TRAPPC9: variants seen among roughly 807,000 people sequenced by gnomAD.
The protein encoded by TRAPPC9 is IKK2 binding protein.
A neutral mutation model predicts 124.0 loss-of-function variants in TRAPPC9; 83 were observed. That is an observed-to-expected ratio of 0.67 (90% CI 0.56 to 0.80). The LOEUF (loss-of-function observed/expected upper bound fraction) is 0.80. Among genes scored for constraint, TRAPPC9 ranks in the 30% least tolerant of loss-of-function variants. The probability of loss-of-function intolerance (pLI) is 0.00; values close to 1 mark genes in which losing one functional copy is unlikely to be tolerated. For synonymous variants in TRAPPC9, 638 were observed against 617.5 expected, an observed-to-expected ratio of 1.03 and a Z score of -0.49; for missense variants, 1,302 against 1,508.3, an observed-to-expected ratio of 0.86 and a Z score of 2.27.
At chr8:139,863,649 T>A (rs1357366715) in intron 21 of TRAPPC9, among the ~76,000 whole-genome samples, 1 of 152,190 alleles carries the variant, frequency 6.6e-6, no homozygotes, top group Non-Finnish European at 1.5e-5. Context: ...AGGCGTTCCC[T>A]GAAGGGGCCT....
chr8:139,857,693 C>T (rs1035611630), intron 21 of TRAPPC9, among the ~76,000 whole-genome samples: 7 of 152,320 alleles, frequency 4.6e-5, no homozygotes, highest in East Asian at 3.9e-4. Flanking sequence ...CCTGCCTGGG[C>T]GGCCCGCTGC....
chr8:139,864,833 G>A (rs1016783165), intron 21 of TRAPPC9, among the ~76,000 whole-genome samples: 5 of 152,220 alleles, frequency 3.3e-5, no homozygotes, highest in African/African-American at 1.2e-4. Context: ...GGTGTTTAAT[G>A]CCAGCAGTTA....
intron 15 of TRAPPC9, among the ~76,000 whole-genome samples, chr8:140,256,177 C>T (rs2064253365): frequency 6.6e-6 from 1 of 152,216 alleles, no homozygotes; most frequent in Non-Finnish European, 1.5e-5. Context: ...TGGAAACCCG[C>T]TTCAACACAC....
In TRAPPC9 at chr8:140,252,337, T is replaced by C. The variant is rs1339271912; in HGVS notation, c.2431+440A>G. Among the ~76,000 whole-genome samples, 1 of 152,162 alleles carries C rather than the reference T, an allele frequency of 6.6e-6. No homozygotes were observed. The highest frequency in any genetic ancestry group is 2.4e-5 in the African/African-American group (1 of 41,438). On this transcript the variant is annotated intron_variant, in intron 16 of 22. Transcript: ENST00000438773. The surrounding 1 kb of genome is among the most constrained non-coding windows in gnomAD (Gnocchi z 4.2). ...CATCACACCCAGCCAATCTATGAAATCTTATCTCTAATCAGTCCTAATGTT... is the reference window on the plus strand; with the variant it reads ...CATCACACCCAGCCAATCTATGAAACCTTATCTCTAATCAGTCCTAATGTT...
chr8:139,978,649 TG>T (rs1836656160), intron 19 of TRAPPC9, among the ~76,000 whole-genome samples: 1 of 152,098 alleles, frequency 6.6e-6, no homozygotes, highest in South Asian at 2.1e-4. Flanking sequence ...GTGCCTTCTG[TG>T]TATGTGTGTG....
intron 2 of TRAPPC9, among the ~76,000 whole-genome samples, chr8:140,442,270 A>G (rs949039100): frequency 6.6e-6 from 1 of 152,238 alleles, no homozygotes; most frequent in South Asian, 2.1e-4. Flanking sequence ...GAAAGTCATA[A>G]TACAATAAAA....
At position 139,729,675 on chromosome 8, in the gene TRAPPC9, C is replaced by T. The variant is rs926127844; in HGVS notation, c.*1386G>A. On this transcript the variant is annotated 3_prime_UTR_variant, in exon 23 of 23. Transcript: ENST00000438773. Reference sequence around the variant, plus strand: ...CCGGAGGCCACAGGGTGACCTTGCTCCCAGCGAGGGAGGTTTGGGCCTGGG... The same window carrying T: ...CCGGAGGCCACAGGGTGACCTTGCTTCCAGCGAGGGAGGTTTGGGCCTGGG... Among the ~76,000 whole-genome samples, 5 of 152,224 alleles carry T rather than the reference C, an allele frequency of 3.3e-5. No individual in the cohort carries two copies. Among genetic ancestry groups the T allele is most frequent in the Non-Finnish European group, 7.3e-5 (5 of 68,046 alleles).
intron 21 of TRAPPC9, among the ~76,000 whole-genome samples, chr8:139,850,707 G>A (rs952949008): frequency 6.6e-6 from 1 of 152,028 alleles, no homozygotes; most frequent in Non-Finnish European, 1.5e-5. Context: ...ACTCATCAGT[G>A]GTCCACCCAT....
chr8:139,741,620 C>T (rs1818565939), intron 21 of TRAPPC9, among the ~76,000 whole-genome samples: 1 of 152,206 alleles, frequency 6.6e-6, no homozygotes, highest in Admixed American at 6.5e-5. Flanking sequence ...TTTCGAACAT[C>T]TCCATCACCT....
intron 17 of TRAPPC9, among the ~76,000 whole-genome samples, chr8:140,129,525 C>T (rs2061165674): frequency 6.6e-6 from 1 of 152,074 alleles, no homozygotes; most frequent in Non-Finnish European, 1.5e-5. Context: ...ACGGGGTGAG[C>T]CGGCACGGGG....
chr8:140,280,337 A>T (rs1212999768), intron 14 of TRAPPC9, among the ~76,000 whole-genome samples: 1 of 152,254 alleles, frequency 6.6e-6, no homozygotes, highest in Non-Finnish European at 1.5e-5. Flanking sequence ...CAGCATGTGC[A>T]GGTATAAAAT....
chr8:140,240,490 G>T (rs555566677), intron 16 of TRAPPC9, among the ~76,000 whole-genome samples: 1 of 152,286 alleles, frequency 6.6e-6, no homozygotes, highest in Admixed American at 6.5e-5. Context: ...AGACCTTCCT[G>T]CCTCAACTTC....
At chr8:139,903,311 C>T (rs1272381131) in intron 20 of TRAPPC9, among the ~76,000 whole-genome samples, 1 of 152,178 alleles carries the variant, frequency 6.6e-6, no homozygotes, top group East Asian at 1.9e-4. Flanking sequence ...GTTAAAAATG[C>T]TCCTCCAGAC....
At chr8:140,274,935 AT>A (rs781256014) in intron 15 of TRAPPC9, among the ~76,000 whole-genome samples, 29 of 152,190 alleles carry the variant, frequency 1.9e-4, no homozygotes, top group South Asian at 1.9e-3. Flanking sequence ...TCCCTTTTTC[AT>A]TCTCTGTCTG....
intron 21 of TRAPPC9, among the ~76,000 whole-genome samples, chr8:139,877,144 C>G (rs1370330597): frequency 2.6e-5 from 4 of 152,178 alleles, no homozygotes; most frequent in Non-Finnish European, 4.4e-5. Flanking sequence ...CACTGGATGT[C>G]TATGAAAGAC....
At chr8:140,179,989 C>T (rs569364058) in intron 17 of TRAPPC9, among the ~76,000 whole-genome samples, 1,041 of 74,580 alleles carry the variant, frequency 0.014, 15 homozygotes, top group African/African-American at 0.039. Context: ...ATAGTTATAT[C>T]TTGATTTTTT....
At position 139,907,972 on chromosome 8, in the gene TRAPPC9, TAATGA is replaced by T. The variant is rs985309697; in HGVS notation, c.2964+2170_2964+2174del. ...TCATCTGCAAGACGGGAAGACAGGA[TAATGA>T]AACCGCCCCAGGAGTCAGGTTGCCG... is the stretch of plus-strand genomic sequence containing the variant. On this transcript the variant is annotated intron_variant, in intron 20 of 22. Transcript: ENST00000438773. This position sits in a 1 kb window ranked among gnomAD's most constrained non-coding sequence, Gnocchi z 4.7. Among the ~76,000 whole-genome samples, 13 of 152,126 alleles carry T rather than the reference TAATGA, an allele frequency of 8.5e-5. No homozygotes were observed. The highest frequency in any genetic ancestry group is 1.8e-4 in the Non-Finnish European group (12 of 68,008).
chr8:139,794,427 G>GTCCATT (rs1822908317), intron 21 of TRAPPC9, among the ~76,000 whole-genome samples: 1 of 152,186 alleles, frequency 6.6e-6, no homozygotes, highest in East Asian at 1.9e-4. Flanking sequence ...GCCAGAAAAA[G>GTCCATT]GGGACTCCAA....
At chr8:139,925,092 C>T (rs1266897149) in intron 19 of TRAPPC9, among the ~76,000 whole-genome samples, 4 of 152,218 alleles carry the variant, frequency 2.6e-5, no homozygotes, top group Non-Finnish European at 5.9e-5. Flanking sequence ...ACAAAAACAG[C>T]TCCCTGAGGA....
Sources: gnomAD v4.1 joint callset for allele counts (sites outside exome capture counted in the v4.1 genomes callset) on GRCh38, gnomAD v4.1.1 for gene constraint, Gnocchi (gnomAD v3.1) non-coding constraint, MANE v1.5 for transcripts, NCBI Gene and HGNC (gene_info 2026-07-23, HGNC 2026-07-21) for gene names.